Variants in LRP4 observed in about 807,000 individuals in gnomAD.
LRP4 encodes the protein LDL receptor related protein 4.
A neutral mutation model predicts 220.3 loss-of-function variants in LRP4; 95 were observed. The observed-to-expected ratio is 0.43, with a 90% CI of 0.37 to 0.51. The LOEUF is 0.51. Among genes scored for constraint, LRP4 ranks in the 20% least tolerant of loss-of-function variants. The pLI is 0.00. For missense variants in LRP4, 1,925 were observed against 2,567.0 expected (o/e 0.75, Z 5.40); for synonymous variants, 903 against 954.6 (o/e 0.95, Z 1.00).
chr11:46,873,681 C>T lies in LRP4; in HGVS notation c.4230-88G>A, dbSNP rs1255766552. On this transcript the variant is annotated intron_variant, in intron 28 of 37. Transcript: ENST00000378623. The surrounding 1 kb of genome is among the most constrained non-coding windows in gnomAD (Gnocchi z 4.2). ...CCCATGTTCCCATAACTGGACCCCA[C>T]TGAACTGTAAGCTCCACAGGGATAG... 3 of 1,074,176 alleles carry T rather than the reference C, an allele frequency of 2.8e-6. No individual in the cohort carries two copies. Among genetic ancestry groups the T allele is most frequent in the East Asian group, 4.7e-5 (2 of 42,130 alleles). The allele number at this position is 1,074,176 out of a possible 1,614,324, so 66.5% of individuals were successfully genotyped here. A position where few individuals can be genotyped will look rare whatever the true frequency, so the allele number is the denominator to read the frequency against.
rs1349591370 is a variant in LRP4 at position 46,899,784 on chromosome 11, G to A, written c.430+79C>T. ...GCAGTTGGAGGTTTGGCAGTGCTAG[G>A]GCCATTGCTGCTATCTTCTCCCATG... On this transcript the variant is annotated intron_variant, in intron 4 of 37. Coordinates refer to ENST00000378623, the MANE Select transcript of LRP4 (RefSeq NM_002334.4). The surrounding 1 kb of genome is among the most constrained non-coding windows in gnomAD (Gnocchi z 5.9). 3.4e-6 allele frequency: 4 copies of A among 1,172,434 alleles called. No homozygotes were observed. The East Asian group carries it at 7.0e-5, about 20-fold the overall frequency. 72.6% of individuals were successfully genotyped at this position (1,172,434 alleles called of 1,614,324 possible).
At chr11:46,869,816 C>A (rs1482543623) in intron 31 of LRP4, among the ~76,000 whole-genome samples, 1 of 152,072 alleles carries the variant, frequency 6.6e-6, no homozygotes, top group Non-Finnish European at 1.5e-5. Context: ...CAGATAAAAT[C>A]TTTTTGGCTA....
At chr11:46,898,840 C>T in intron 6 of LRP4, 64 bp downstream of exon 6, 1 of 1,612,294 alleles carries the variant, frequency 6.2e-7, no homozygotes, top group Non-Finnish European at 8.5e-7. Flanking sequence ...GCGACTGTGC[C>T]TTGCCACCCA....
Position 46,894,570 on chromosome 11 carries a change from A to C in LRP4, c.1540+19T>G. 1 of 1,570,472 alleles carries C rather than the reference A, an allele frequency of 6.4e-7. No homozygotes were observed. Among genetic ancestry groups the C allele is most frequent in the Non-Finnish European group, 8.7e-7 (1 of 1,152,010 alleles). ...ATGTGGCATGGCTCTGCCCCTCTCC[A>C]TGGGGCCTTGTTCCCTACCTGGGCT... On this transcript the variant is annotated intron_variant, in intron 12 of 37. Transcript: ENST00000378623.
In LRP4 at chr11:46,859,205, T is replaced by G. The variant is rs1172743949; in HGVS notation, c.5496A>C (p.Ser1832=). The G allele has an allele frequency of 5.0e-6, 8 of 1,613,932 alleles. No homozygotes were observed. Among genetic ancestry groups the G allele is most frequent in the Non-Finnish European group, 6.8e-6 (8 of 1,179,976 alleles). ...EWDDLKQLRS[S]RGGLLRDHVC... ...CATGATCCCGGAGGAGGCCCCCCCG[T>G]GAGCTTCGCAGTTGCTTGAGGTCAT... is the stretch of plus-strand genomic sequence containing the variant. The change falls in exon 38 of 38, where the codon TCA becomes TCC. Residue 1832 remains serine, a synonymous_variant. Transcript: ENST00000378623.
intron 1 of LRP4, among the ~76,000 whole-genome samples, chr11:46,907,896 C>G (rs571060599): frequency 1.3e-5 from 2 of 152,294 alleles, no homozygotes; most frequent in South Asian, 4.2e-4. Context: ...AACTGCTTAG[C>G]ACAGGGCTAA....
chr11:46,862,468 GTTC>G, intron 37 of LRP4, 135 bp downstream of exon 37: 2 of 910,034 alleles, frequency 2.2e-6, no homozygotes, highest in South Asian at 1.3e-5. Context: ...ATTACATTCA[GTTC>G]TTCTGTTCAC....
rs200650431 is a variant in LRP4, at chr11:46,876,703, G to A, written c.3364+41C>T. The A allele has an allele frequency of 5.5e-5, 88 of 1,613,996 alleles. 1 individual carries two copies. Among genetic ancestry groups the A allele is most frequent in the Admixed American group, 4.3e-4 (26 of 60,026 alleles). On this transcript the variant is annotated intron_variant, in intron 24 of 37. Transcript: ENST00000378623. Reference sequence around the variant, plus strand: ...ACAGATGGGCTATTTCCCCAGCCCTGTTGCCAGACAGGTGGTCCCTGGGCT... The same window carrying A: ...ACAGATGGGCTATTTCCCCAGCCCTATTGCCAGACAGGTGGTCCCTGGGCT...
chr11:46,907,078 C>CT (rs1370635756), intron 1 of LRP4, among the ~76,000 whole-genome samples: 1 of 152,160 alleles, frequency 6.6e-6, no homozygotes. Context: ...GCTTTTAACC[C>CT]TTTTTAAGGA....
In LRP4 at chr11:46,899,801, T is replaced by C. The variant is rs1308553474; in HGVS notation, c.430+62A>G. ...AGTGCTAGGGCCATTGCTGCTATCT[T>C]CTCCCATGGCCAGGCCACCCACTGG... On this transcript the variant is annotated intron_variant, in intron 4 of 37. Coordinates refer to ENST00000378623, the MANE Select transcript of LRP4 (RefSeq NM_002334.4). This position sits in a 1 kb window ranked among gnomAD's most constrained non-coding sequence, Gnocchi z 5.9. 1.5e-6 allele frequency: 2 copies of C among 1,330,282 alleles called. No homozygotes were observed. Among genetic ancestry groups the C allele is most frequent in the Non-Finnish European group, 2.2e-6 (2 of 925,494 alleles). 82.4% of individuals were successfully genotyped at this position (1,330,282 alleles called of 1,614,324 possible). A position where few individuals can be genotyped will look rare whatever the true frequency, so the allele number is the denominator to read the frequency against.
intron 30 of LRP4, among the ~76,000 whole-genome samples, chr11:46,872,219 G>A (rs1263748168): frequency 1.3e-5 from 2 of 152,238 alleles, no homozygotes; most frequent in Non-Finnish European, 2.9e-5. Context: ...TCGTGCGACT[G>A]CACTCCAGCC....
At chr11:46,888,006 C>T (rs1447311887) in intron 16 of LRP4, among the ~76,000 whole-genome samples, 1 of 95,010 alleles carries the variant, frequency 1.1e-5, no homozygotes, top group African/African-American at 5.1e-5. Context: ...CAGAGCAAGA[C>T]CCTGTCTCAA....
intron 30 of LRP4, among the ~76,000 whole-genome samples, chr11:46,872,639 G>A (rs979244838): frequency 6.6e-6 from 1 of 152,164 alleles, no homozygotes; most frequent in Non-Finnish European, 1.5e-5. Flanking sequence ...TGCTACTTGA[G>A]AGGCTGAGGT....
In LRP4 at chr11:46,876,770, G is replaced by A. The variant is rs561858345; in HGVS notation, c.3338C>T (p.Ser1113Leu). ...TGTGGTGATGATGTCCTCATGCTGT[G>A]AGCCATCCAGATTGGCACGACTGAT... is the stretch of plus-strand genomic sequence containing the variant. Reference protein sequence around the residue: ...HRISRANLDGSQHEDIITTGL... With the variant: ...HRISRANLDGLQHEDIITTGL... Residue 1113 changes from serine to leucine, a missense_variant, in exon 24 of 38, where the codon TCA becomes TTA. By Grantham distance (145) the Ser-to-Leu change is moderately radical. This residue lies in a region of LRP4 where 1,244 missense variants were observed against 1,624.9 expected (regional missense o/e 0.77). Transcript: ENST00000378623. 5.0e-6 allele frequency: 8 copies of A among 1,614,094 alleles called. No homozygotes were observed. The highest frequency in any genetic ancestry group is 2.2e-5 in the South Asian group (2 of 91,070).
chr11:46,889,400 G>A lies in LRP4; in HGVS notation c.2215+11C>T, dbSNP rs1941369953. ...AGCCTCCATGGAGGCTGGTGTTGCA[G>A]ACCCACTTACTCTGGGCACAGGCGT... On this transcript the variant is annotated intron_variant, in intron 16 of 37. Coordinates refer to ENST00000378623, the MANE Select transcript of LRP4 (RefSeq NM_002334.4). 1 of 1,613,792 alleles carries A rather than the reference G, an allele frequency of 6.2e-7. No homozygotes were observed. The highest frequency in any genetic ancestry group is 8.5e-7 in the Non-Finnish European group (1 of 1,180,008).
At chr11:46,886,657 CCCT>C in intron 16 of LRP4, 124 bp from the exon 17 acceptor site, 3 of 804,588 alleles carry the variant, frequency 3.7e-6, no homozygotes, top group Middle Eastern at 3.0e-4. Flanking sequence ...GCCCTTTGCC[CCCT>C]ATACTTTATA....
intron 10 of LRP4, 82 bp from the exon 11 acceptor site, chr11:46,895,373 C>T (rs1565796706): frequency 1.9e-6 from 3 of 1,568,700 alleles, no homozygotes; most frequent in Non-Finnish European, 2.6e-6. Flanking sequence ...TGCTTTTCTG[C>T]CCACATCCCC....
intron 1 of LRP4, among the ~76,000 whole-genome samples, chr11:46,905,852 CAAA>C (rs35421139): frequency 2.1e-5 from 2 of 93,122 alleles, no homozygotes; most frequent in African/African-American, 3.9e-5. Context: ...AACTCCGTCT[CAAA>C]AAAAAAAAAA....
At chr11:46,896,386 A>G in intron 8 of LRP4, 51 bp from the exon 9 acceptor site, 1 of 1,604,350 alleles carries the variant, frequency 6.2e-7, no homozygotes, top group Non-Finnish European at 8.5e-7. Flanking sequence ...GGGCCAACAA[A>G]GAGATGGGAG....
Sources: gnomAD v4.1 joint callset for allele counts (sites outside exome capture counted in the v4.1 genomes callset) on GRCh38, gnomAD v4.1.1 for gene constraint, gnomAD v4.1.1 regional missense constraint, Gnocchi (gnomAD v3.1) non-coding constraint, MANE v1.5 for transcripts, NCBI Gene and HGNC (gene_info 2026-07-23, HGNC 2026-07-21) for gene names.